Variants in USH2A observed in about 807,000 individuals in gnomAD.
USH2A encodes Usher syndrome 2A (autosomal recessive, mild).
In USH2A, 443 loss-of-function variants were observed where a neutral mutation model predicts 538.9. The ratio of observed to expected loss-of-function variants is 0.82; its 90% CI spans 0.76 to 0.89. The LOEUF (loss-of-function observed/expected upper bound fraction) is 0.89, where lower values mean the gene tolerates loss of function less well. Among genes scored for constraint, USH2A ranks in the 40% least tolerant of loss-of-function variants. USH2A has a pLI of 0.00. For synonymous variants in USH2A, 2,413 were observed against 2,273.5 expected (o/e 1.06, Z -1.75); for missense variants, 6,633 against 6,324.8 (o/e 1.05, Z -1.65).
At chr1:216,016,394 T>C (rs1174987100) in intron 32 of USH2A, among the ~76,000 whole-genome samples, 1 of 152,172 alleles carries the variant, frequency 6.6e-6, no homozygotes, top group East Asian at 1.9e-4. Flanking sequence ...CGCTTTGCTA[T>C]GATAAGGACT....
At chr1:215,814,548 GGTCTAAAGGCGA>G (rs1558110661) in intron 48 of USH2A, among the ~76,000 whole-genome samples, 2 of 151,992 alleles carry the variant, frequency 1.3e-5, no homozygotes, top group Non-Finnish European at 2.9e-5. Flanking sequence ...TTTTATTGTA[GGTCTAAAGGCGA>G]GTGAGTTCTC....
rs1270201166 is a variant in USH2A at position 215,795,874 on chromosome 1, T to C, written c.9958+3033A>G. ...CGAATTATTGAGGACCCCAAATACC[T>C]TTTGTTTATATGGGTTTTACCTGTT... On this transcript the variant is annotated intron_variant, in intron 50 of 71. Transcript: ENST00000307340. Among the ~76,000 whole-genome samples the C allele has an allele frequency of 3.9e-5, 6 of 152,214 alleles. No homozygotes were observed. The East Asian group carries it at 7.7e-4, about 20-fold the overall frequency.
chr1:215,672,737 A>G (rs1657864747), intron 63 of USH2A, among the ~76,000 whole-genome samples: 1 of 152,218 alleles, frequency 6.6e-6, no homozygotes. Flanking sequence ...ACAAAAACAA[A>G]AAACCACGCA....
At chr1:215,782,250 T>C in intron 53 of USH2A, 54 bp from the exon 54 acceptor site, 2 of 1,578,450 alleles carry the variant, frequency 1.3e-6, no homozygotes, top group Non-Finnish European at 1.7e-6. Flanking sequence ...TTTAACTATT[T>C]GCAAACAACT....
At chr1:216,261,268 C>CA (rs202067901) in intron 11 of USH2A, among the ~76,000 whole-genome samples, 158 of 150,026 alleles carry the variant, frequency 1.1e-3, no homozygotes, top group Middle Eastern at 3.4e-3. Context: ...AATATAGAAA[C>CA]AAAAAAAAGC....
At chr1:215,897,612 C>T (rs1558150409) in intron 40 of USH2A, among the ~76,000 whole-genome samples, 2 of 151,914 alleles carry the variant, frequency 1.3e-5, no homozygotes, top group Non-Finnish European at 2.9e-5. Flanking sequence ...TTGCTTGAAC[C>T]CAGGAGACAG....
intron 67 of USH2A, among the ~76,000 whole-genome samples, chr1:215,643,367 AG>A (rs1205146443): frequency 6.6e-6 from 1 of 151,650 alleles, no homozygotes; most frequent in Non-Finnish European, 1.5e-5. Context: ...ATGAGTTAAA[AG>A]TAGCATAAGT....
At position 215,979,075 on chromosome 1, in the gene USH2A, G is replaced by A. The variant is rs1348295577; in HGVS notation, c.6806-8299C>T. ...CTCCCCAGTTCCACATGGCTAGGGA[G>A]GCCTCCTAATCATGGCAGAAGGTGG... On this transcript the variant is annotated intron_variant, in intron 35 of 71. Coordinates refer to ENST00000307340, the MANE Select transcript of USH2A (RefSeq NM_206933.4). 2.6e-5 allele frequency among the ~76,000 whole-genome samples: 4 copies of A among 152,134 alleles called. 1 individual carries two copies. The East Asian group carries it at 7.7e-4, about 29-fold the overall frequency.
chr1:215,995,972 C>A (rs573823331), intron 34 of USH2A, among the ~76,000 whole-genome samples: 2 of 152,104 alleles, frequency 1.3e-5, no homozygotes, highest in South Asian at 2.1e-4. Context: ...AGTGCAGTGG[C>A]AGATCTCAGA....
chr1:216,349,623 C>G (rs2038240078), intron 4 of USH2A, among the ~76,000 whole-genome samples: 1 of 152,138 alleles, frequency 6.6e-6, no homozygotes, highest in African/African-American at 2.4e-5. Flanking sequence ...AATGCCATGT[C>G]AACATCAGGA....
intron 9 of USH2A, among the ~76,000 whole-genome samples, chr1:216,298,043 T>G (rs556170629): frequency 2.0e-5 from 3 of 152,194 alleles, no homozygotes; most frequent in Non-Finnish European, 4.4e-5. Context: ...TCGTAAAACT[T>G]TTGCCAAAGG....
At chr1:216,009,638 A>T (rs888327590) in intron 32 of USH2A, among the ~76,000 whole-genome samples, 8 of 151,496 alleles carry the variant, frequency 5.3e-5, no homozygotes, top group Non-Finnish European at 1.2e-4. Context: ...AGTCTTTCTA[A>T]CCTTCCTTTT....
At chr1:216,092,752 C>T (rs935923331) in intron 22 of USH2A, among the ~76,000 whole-genome samples, 3 of 152,186 alleles carry the variant, frequency 2.0e-5, no homozygotes, top group Admixed American at 6.5e-5. Context: ...CCTCATGGCC[C>T]GTGAGCACAT....
At chr1:216,151,746 A>G (rs1265005889) in intron 21 of USH2A, among the ~76,000 whole-genome samples, 2 of 152,092 alleles carry the variant, frequency 1.3e-5, no homozygotes, top group African/African-American at 4.8e-5. Flanking sequence ...ACCTAAATCA[A>G]TCTGGCCTGG....
chr1:216,290,433 C>T (rs186368838), intron 10 of USH2A, among the ~76,000 whole-genome samples: 13 of 152,188 alleles, frequency 8.5e-5, no homozygotes, highest in South Asian at 4.1e-4. Context: ...ATATTTATCG[C>T]GTGATTACTA....
chr1:215,777,132 A>G (rs1169056994), intron 55 of USH2A, among the ~76,000 whole-genome samples: 2 of 152,188 alleles, frequency 1.3e-5, no homozygotes, highest in African/African-American at 2.4e-5. Context: ...TTTTACTGTT[A>G]AGTAAAAATT....
Position 215,860,184 on chromosome 1 carries a change from A to C in USH2A, c.8845+6823T>G, listed in dbSNP as rs912518559. On this transcript the variant is annotated intron_variant, in intron 44 of 71. Transcript: ENST00000307340. ...CCATGCTTCTTGTACAGTCTGCAGA[A>C]TCATGAGCTAAGCAAAACTCTTTTC... is the stretch of plus-strand genomic sequence containing the variant. Among the ~76,000 whole-genome samples the C allele has an allele frequency of 2.0e-5, 3 of 152,234 alleles. No individual in the cohort carries two copies. The South Asian group carries it at 6.2e-4, about 32-fold the overall frequency.
At chr1:215,672,021 C>T (rs1464584673) in intron 63 of USH2A, among the ~76,000 whole-genome samples, 1 of 152,168 alleles carries the variant, frequency 6.6e-6, no homozygotes, top group Admixed American at 6.6e-5. Context: ...ATGAAGACAC[C>T]TTATCACCAT....
intron 32 of USH2A, among the ~76,000 whole-genome samples, chr1:216,029,096 T>A (rs1160760571): frequency 1.3e-5 from 2 of 152,114 alleles, no homozygotes. Flanking sequence ...GTACTTAATT[T>A]TGAATGAATA....
Sources: gnomAD v4.1 joint callset for allele counts (sites outside exome capture counted in the v4.1 genomes callset) on GRCh38, gnomAD v4.1.1 for gene constraint, MANE v1.5 for transcripts, NCBI Gene and HGNC (gene_info 2026-07-23, HGNC 2026-07-21) for gene names.